Variants in FAM53B observed in about 807,000 individuals in gnomAD.
The protein encoded by FAM53B is protein FAM53B.
FAM53B carries 12 observed loss-of-function variants against 32.7 expected under a neutral mutation model. The observed-to-expected ratio is 0.37, with a 90% CI of 0.24 to 0.59. FAM53B has a LOEUF of 0.59. Among genes scored for constraint, FAM53B ranks in the 20% least tolerant of loss-of-function variants. The pLI, the probability that FAM53B is intolerant of heterozygous loss-of-function variation, is 0.72. For missense variants in FAM53B, 477 were observed against 577.7 expected (o/e 0.83, Z 1.79); for synonymous variants, 234 against 228.7 (o/e 1.02, Z -0.21).
At chr10:124,671,772 GT>G (rs879824134) in intron 4 of FAM53B, among the ~76,000 whole-genome samples, 61 of 147,062 alleles carry the variant, frequency 4.1e-4, no homozygotes, top group East Asian at 2.8e-3. Flanking sequence ...TTTTCCAAGA[GT>G]TTTTTTTTTT....
intron 4 of FAM53B, among the ~76,000 whole-genome samples, chr10:124,626,276 C>G (rs1949349820): frequency 1.3e-5 from 2 of 152,182 alleles, no homozygotes; most frequent in Non-Finnish European, 2.9e-5. Context: ...CTGCTCGGAG[C>G]TTCCCACTGA....
At chr10:124,731,062 T>C (rs978295354) in intron 1 of FAM53B, among the ~76,000 whole-genome samples, 1 of 152,004 alleles carries the variant, frequency 6.6e-6, no homozygotes, top group Non-Finnish European at 1.5e-5. Context: ...AAGTTGGGAG[T>C]TCAAACGCCA....
intron 4 of FAM53B, among the ~76,000 whole-genome samples, chr10:124,643,731 G>A (rs1354454945): frequency 1.3e-5 from 2 of 152,214 alleles, no homozygotes; most frequent in African/African-American, 4.8e-5. Flanking sequence ...AATTAAAAAC[G>A]TGATTTCCCC....
At chr10:124,720,719 T>A (rs1950063959) in intron 1 of FAM53B, among the ~76,000 whole-genome samples, 1 of 152,148 alleles carries the variant, frequency 6.6e-6, no homozygotes, top group South Asian at 2.1e-4. Flanking sequence ...TTGTGACTGC[T>A]GGGATGATGG....
At chr10:124,713,371 G>C (rs558311051) in intron 1 of FAM53B, 30 of 152,330 alleles carry the variant, frequency 2.0e-4, no homozygotes, top group African/African-American at 6.7e-4. Context: ...AGAAACAGGG[G>C]GGACAGCTTT....
intron 4 of FAM53B, among the ~76,000 whole-genome samples, chr10:124,625,678 G>T (rs1351145375): frequency 2.6e-5 from 4 of 152,208 alleles, no homozygotes. Context: ...CGAGGGGAGG[G>T]TCTCTGAGGC....
At chr10:124,694,110 C>A (rs1949852572) in intron 3 of FAM53B, among the ~76,000 whole-genome samples, 2 of 152,234 alleles carry the variant, frequency 1.3e-5, no homozygotes, top group Non-Finnish European at 2.9e-5. Context: ...CCCACCAGTA[C>A]AACGGCTCCC....
At chr10:124,673,398 C>T (rs1490552228) in intron 4 of FAM53B, among the ~76,000 whole-genome samples, 1 of 152,212 alleles carries the variant, frequency 6.6e-6, no homozygotes, top group Non-Finnish European at 1.5e-5. Context: ...ACAACCCACC[C>T]ATGAGAACTT....
chr10:124,647,969 G>A (rs1296206898), intron 4 of FAM53B, among the ~76,000 whole-genome samples: 2 of 152,236 alleles, frequency 1.3e-5, no homozygotes, highest in African/African-American at 4.8e-5. Flanking sequence ...GGATGGGAAA[G>A]GAAGTGGGTG....
chr10:124,646,881 T>C (rs1949518911), intron 4 of FAM53B, among the ~76,000 whole-genome samples: 1 of 152,126 alleles, frequency 6.6e-6, no homozygotes, highest in Non-Finnish European at 1.5e-5. Flanking sequence ...CAGGCAAATG[T>C]GGGTGTATGG....
At chr10:124,730,762 A>C (rs1179028380) in intron 1 of FAM53B, among the ~76,000 whole-genome samples, 1 of 152,186 alleles carries the variant, frequency 6.6e-6, no homozygotes, top group Non-Finnish European at 1.5e-5. Flanking sequence ...ATTTAGATTT[A>C]ATTTAAATTG....
At chr10:124,680,230 G>A (rs75906421) in intron 4 of FAM53B, among the ~76,000 whole-genome samples, 8 of 152,186 alleles carry the variant, frequency 5.3e-5, no homozygotes, top group Non-Finnish European at 1.2e-4. Context: ...AGAGGCAAGA[G>A]CTCTGCCCCA....
At chr10:124,660,810 C>T (rs1949626428) in intron 4 of FAM53B, among the ~76,000 whole-genome samples, 1 of 152,144 alleles carries the variant, frequency 6.6e-6, no homozygotes, top group Non-Finnish European at 1.5e-5. Flanking sequence ...CGGGCTCTGT[C>T]ATAATGACCC....
At chr10:124,669,245 C>T (rs1949692373) in intron 4 of FAM53B, among the ~76,000 whole-genome samples, 1 of 152,270 alleles carries the variant, frequency 6.6e-6, no homozygotes, top group African/African-American at 2.4e-5. Flanking sequence ...ACTGTCCACA[C>T]ACCTCCGCTC....
chr10:124,701,710 G>T (rs1949915818), intron 2 of FAM53B, among the ~76,000 whole-genome samples: 1 of 152,216 alleles, frequency 6.6e-6, no homozygotes, highest in Non-Finnish European at 1.5e-5. Context: ...GTGGGGGAAA[G>T]GGGAACTGGA....
chr10:124,658,870 C>T (rs992018927), intron 4 of FAM53B, among the ~76,000 whole-genome samples: 1 of 152,246 alleles, frequency 6.6e-6, no homozygotes, highest in South Asian at 2.1e-4. Context: ...GCTCCCTGTG[C>T]CCCCACTGAG....
intron 1 of FAM53B, chr10:124,742,929 C>A (rs181176821): frequency 6.6e-6 from 1 of 152,340 alleles, no homozygotes; most frequent in Admixed American, 6.5e-5. Flanking sequence ...TCAAACGCTG[C>A]AAAGAGCTTT....
intron 4 of FAM53B, among the ~76,000 whole-genome samples, chr10:124,632,759 G>A (rs984315157): frequency 1.4e-4 from 21 of 152,364 alleles, no homozygotes; most frequent in African/African-American, 4.6e-4. Context: ...GACAGAGGCC[G>A]AGTGAGGAGA....
intron 4 of FAM53B, among the ~76,000 whole-genome samples, chr10:124,674,039 T>C (rs539916051): frequency 6.6e-6 from 1 of 152,280 alleles, no homozygotes; most frequent in African/African-American, 2.4e-5. Context: ...CCAACGACAG[T>C]GCACCTCTCT....
Sources: gnomAD v4.1 joint callset for allele counts (sites outside exome capture counted in the v4.1 genomes callset) on GRCh38, gnomAD v4.1.1 for gene constraint, MANE v1.5 for transcripts, NCBI Gene and HGNC (gene_info 2026-07-23, HGNC 2026-07-21) for gene names.